Variants in MAP3K8 observed in about 807,000 individuals in gnomAD.
MAP3K8 encodes the protein Ewing sarcoma transformant.
Under a neutral mutation model 45.8 loss-of-function variants are expected in MAP3K8, and 22 were observed. That is an observed-to-expected ratio of 0.48 (90% CI 0.34 to 0.69). The LOEUF (loss-of-function observed/expected upper bound fraction) is 0.69. MAP3K8 is among the 30% of genes least tolerant of loss of function. The pLI, the probability that MAP3K8 is intolerant of heterozygous loss-of-function variation, is 0.01. For synonymous variants in MAP3K8, 223 were observed against 214.3 expected (o/e 1.04, Z -0.36); for missense variants, 419 against 585.0 (o/e 0.72, Z 2.93).
intron 3 of MAP3K8, among the ~76,000 whole-genome samples, chr10:30,446,070 A>AC (rs5784198): frequency 0.67 from 102,276 of 151,982 alleles, 35,352 homozygotes; most frequent in African/African-American, 0.81. Flanking sequence ...TAAGTTTTAA[A>AC]AAAATAGAAA....
chr10:30,439,731 C>T (rs960452003), intron 3 of MAP3K8, among the ~76,000 whole-genome samples: 1 of 152,162 alleles, frequency 6.6e-6, no homozygotes, highest in African/African-American at 2.4e-5. Flanking sequence ...ATCCCTTGAA[C>T]CTGGGAGGTG....
At chr10:30,457,808 A>G (rs1340559209) in intron 6 of MAP3K8, among the ~76,000 whole-genome samples, 1 of 151,950 alleles carries the variant, frequency 6.6e-6, no homozygotes, top group Non-Finnish European at 1.5e-5. Context: ...CACCATGCCC[A>G]GCTGATTTTT....
At chr10:30,441,786 C>T (rs552272961) in intron 3 of MAP3K8, among the ~76,000 whole-genome samples, 23 of 152,180 alleles carry the variant, frequency 1.5e-4, no homozygotes, top group Non-Finnish European at 3.1e-4. Context: ...GGACTGTCAT[C>T]TCTGATTGTA....
In MAP3K8 at chr10:30,461,638, A is replaced by G. The variant is rs994116151; in HGVS notation, c.*802A>G. ...ACTAAATTTTCTTTTAAGCATTTGT[A>G]TATTAAAATAGCATACTGTGTATGT... On this transcript the variant is annotated 3_prime_UTR_variant, in exon 9 of 9. Coordinates refer to ENST00000263056, the MANE Select transcript of MAP3K8 (RefSeq NM_005204.4). 5 of 186,286 alleles carry G rather than the reference A, an allele frequency of 2.7e-5. No individual in the cohort carries two copies. The highest frequency in any genetic ancestry group is 3.9e-4 in the South Asian group (2 of 5,122). The allele number at this position is 186,286 out of a possible 1,614,324, so 11.5% of individuals were successfully genotyped here. A position where few individuals can be genotyped will look rare whatever the true frequency, so the allele number is the denominator to read the frequency against.
At chr10:30,450,619 TGGAAAG>T in intron 5 of MAP3K8, 100 bp downstream of exon 5, 33 of 1,076,202 alleles carry the variant, frequency 3.1e-5, no homozygotes, top group Non-Finnish European at 3.7e-5. Context: ...CCATGGAGGG[TGGAAAG>T]CTCCCTCAGA....
rs1357627827 is a variant in MAP3K8 at position 30,451,756 on chromosome 10, C to T, written c.873+12C>T. 1.4e-6 allele frequency: 2 copies of T among 1,386,632 alleles called. No individual in the cohort carries two copies. The highest frequency in any genetic ancestry group is 4.6e-5 in the East Asian group (2 of 43,062). 85.9% of individuals were successfully genotyped at this position (1,386,632 alleles called of 1,614,324 possible). On this transcript the variant is annotated intron_variant, in intron 6 of 8. Coordinates refer to ENST00000263056, the MANE Select transcript of MAP3K8 (RefSeq NM_005204.4). ...TCCGAGGAACAGAGGTAATTATGTT[C>T]ACATGAAAAGGGTTACTATTTTATT...
intron 6 of MAP3K8, among the ~76,000 whole-genome samples, chr10:30,456,422 G>A (rs1011222095): frequency 8.5e-5 from 13 of 152,152 alleles, no homozygotes; most frequent in Non-Finnish European, 1.8e-4. Context: ...AAGCTGGCCC[G>A]GAAGTGGCTT....
rs778731032 is a variant in MAP3K8 at position 30,457,084 on chromosome 10, GAA to G, written c.874-988_874-987del. Among the ~76,000 whole-genome samples, 177 of 134,062 alleles carry G rather than the reference GAA, an allele frequency of 1.3e-3. 1 individual carries two copies. The highest frequency in any genetic ancestry group is 4.7e-3 in the African/African-American group (173 of 36,642). 87.9% of individuals were successfully genotyped at this position (134,062 alleles called of 152,430 possible). A position where few individuals can be genotyped will look rare whatever the true frequency, so the allele number is the denominator to read the frequency against. ...GGGTGACAGAGGGAGACCCCATCTC[GAA>G]AAAAAAAAAAAGCCAAAGTGCTGAG... is the stretch of plus-strand genomic sequence containing the variant. On this transcript the variant is annotated intron_variant, in intron 6 of 8. Transcript: ENST00000263056.
At chr10:30,438,436 T>G (rs1011778416) in intron 2 of MAP3K8, among the ~76,000 whole-genome samples, 3 of 152,216 alleles carry the variant, frequency 2.0e-5, no homozygotes, top group African/African-American at 7.2e-5. Flanking sequence ...CCAAGTTAGC[T>G]CCTGCATTTA....
At position 30,460,897 on chromosome 10, in the gene MAP3K8, C is replaced by A; in HGVS notation, c.*61C>A. ...GATCTCCTGGAGGCTGGTTCTGCTG[C>A]CTCTACACAGGGGCCCTGTACAGTG... On this transcript the variant is annotated 3_prime_UTR_variant, in exon 9 of 9. Coordinates refer to ENST00000263056, the MANE Select transcript of MAP3K8 (RefSeq NM_005204.4). 2 of 1,598,670 alleles carry A rather than the reference C, an allele frequency of 1.3e-6. No homozygotes were observed. The highest frequency in any genetic ancestry group is 1.1e-5 in the South Asian group (1 of 89,866).
intron 2 of MAP3K8, among the ~76,000 whole-genome samples, chr10:30,437,683 A>G (rs1398847534): frequency 1.3e-5 from 2 of 152,264 alleles, no homozygotes; most frequent in Non-Finnish European, 2.9e-5. Flanking sequence ...ACTGAGAGGC[A>G]GATGGCTGGG....
intron 3 of MAP3K8, 136 bp downstream of exon 3, chr10:30,439,410 A>C: frequency 5.0e-6 from 7 of 1,411,638 alleles, no homozygotes; most frequent in Non-Finnish European, 5.6e-6. Context: ...CATCAGTAAG[A>C]AGTACTTCCA....
intron 4 of MAP3K8, 74 bp from the exon 5 acceptor site, chr10:30,450,184 C>T: frequency 7.0e-7 from 1 of 1,419,004 alleles, no homozygotes; most frequent in Non-Finnish European, 9.6e-7. Flanking sequence ...TTGTTTTTTG[C>T]ATTGACCTAT....
At chr10:30,436,627 A>C (rs1012848810) in intron 1 of MAP3K8, among the ~76,000 whole-genome samples, 2 of 152,056 alleles carry the variant, frequency 1.3e-5, no homozygotes, top group African/African-American at 2.4e-5. Context: ...TAGAATCTCC[A>C]GTCCTCACAG....
At position 30,451,734 on chromosome 10, in the gene MAP3K8, G is replaced by A. The variant is rs779977265; in HGVS notation, c.863G>A (p.Arg288Gln). The change falls in exon 6 of 9, where the codon CGA becomes CAA. Residue 288 changes from arginine to glutamine, a missense_variant. By Grantham distance (43) the Arg-to-Gln change is conservative (BLOSUM62 1). Transcript: ENST00000263056. ...GATGTCTATTTTCCTAAGGACCTCC[G>A]AGGAACAGAGGTAATTATGTTCACA... Reference protein sequence around the residue: ...TEDVYFPKDLRGTEIYMSPEV... With the variant: ...TEDVYFPKDLQGTEIYMSPEV... 2.5e-5 allele frequency: 38 copies of A among 1,539,230 alleles called. No homozygotes were observed. The highest frequency in any genetic ancestry group is 6.8e-5 in the East Asian group (3 of 44,164).
intron 4 of MAP3K8, among the ~76,000 whole-genome samples, chr10:30,448,414 T>TTTTTTATTATTA (rs34801475): frequency 0.064 from 8,729 of 136,298 alleles, 371 homozygotes; most frequent in African/African-American, 0.13. Flanking sequence ...CTATCCCAAA[T>TTTTTTATTATTA]TTATTATTAT....
rs1159797118 is a variant in MAP3K8 at position 30,434,213 on chromosome 10, C to CACGCTCTGGGGTCCG, written c.-419_-405dup. The CACGCTCTGGGGTCCG allele has an allele frequency of 1.3e-5, 2 of 153,538 alleles. No individual in the cohort carries two copies. Among genetic ancestry groups the CACGCTCTGGGGTCCG allele is most frequent in the African/African-American group, 4.8e-5 (2 of 41,472 alleles). The allele number at this position is 153,538 out of a possible 1,614,324, so 9.5% of individuals were successfully genotyped here. On this transcript the variant is annotated 5_prime_UTR_variant, in exon 1 of 9. Coordinates refer to ENST00000263056, the MANE Select transcript of MAP3K8 (RefSeq NM_005204.4). ...GTCCGCTCCGCTCTGGACTGCGCGC[C>CACGCTCTGGGGTCCG]ACGCTCTGGGGTCCGGCGCCCTGGT...
At chr10:30,452,451 A>G (rs1836578711) in intron 6 of MAP3K8, among the ~76,000 whole-genome samples, 1 of 151,716 alleles carries the variant, frequency 6.6e-6, no homozygotes, top group African/African-American at 2.4e-5. Flanking sequence ...CCTGGGCAAC[A>G]AGAGTGAAAC....
At chr10:30,458,265 C>CTGGGGGGGG in intron 7 of MAP3K8, 29 bp downstream of exon 7, 2 of 405,658 alleles carry the variant, frequency 4.9e-6, no homozygotes, top group African/African-American at 3.1e-5. Context: ...GGGCTGGGGG[C>CTGGGGGGGG]GGCGGGGGGG....
Sources: gnomAD v4.1 joint callset for allele counts (sites outside exome capture counted in the v4.1 genomes callset) on GRCh38, gnomAD v4.1.1 for gene constraint, MANE v1.5 for transcripts, NCBI Gene and HGNC (gene_info 2026-07-23, HGNC 2026-07-21) for gene names.